Variants in ZCWPW2 observed in about 807,000 individuals in gnomAD.
The protein encoded by ZCWPW2 is zinc finger CW-type PWWP domain protein 2.
A neutral mutation model predicts 46.6 loss-of-function variants in ZCWPW2; 45 were observed. The observed-to-expected ratio is 0.96, with a 90% CI of 0.76 to 1.24. The LOEUF is 1.24. ZCWPW2 is among the 50% of genes most tolerant of loss of function. ZCWPW2 has a pLI of 0.00. For synonymous variants in ZCWPW2, 152 were observed against 137.1 expected (o/e 1.11, Z -0.76); for missense variants, 429 against 403.9 (o/e 1.06, Z -0.53).
intron 6 of ZCWPW2, among the ~76,000 whole-genome samples, chr3:28,494,449 T>A (rs1209488508): frequency 6.8e-6 from 1 of 146,938 alleles, no homozygotes; most frequent in Non-Finnish European, 1.5e-5. Flanking sequence ...TTGTCAAAGA[T>A]CAGATAGTTG....
intron 1 of ZCWPW2, among the ~76,000 whole-genome samples, 192 bp downstream of exon 1, chr3:28,349,395 C>T (rs757511393): frequency 6.6e-6 from 1 of 152,144 alleles, no homozygotes; most frequent in Non-Finnish European, 1.5e-5. Context: ...TGTTAGAAGC[C>T]GTTCCTCTGT....
chr3:28,510,382 G>A (rs527816044), intron 6 of ZCWPW2, among the ~76,000 whole-genome samples: 19 of 152,248 alleles, frequency 1.2e-4, no homozygotes, highest in East Asian at 7.7e-4. Context: ...TAATTCCAAC[G>A]TAGTCCTTAA....
chr3:28,510,986 C>G, intron 6 of ZCWPW2: 2 of 448,650 alleles, frequency 4.5e-6, no homozygotes, highest in Non-Finnish European at 8.9e-6. Flanking sequence ...CACCTGGTAG[C>G]TACATTCTGG....
intron 4 of ZCWPW2, among the ~76,000 whole-genome samples, chr3:28,477,452 A>T (rs904797097): frequency 2.6e-5 from 4 of 152,218 alleles, no homozygotes; most frequent in Non-Finnish European, 5.9e-5. Flanking sequence ...ACTGTGGAGG[A>T]TGCAAAGATA....
intron 1 of ZCWPW2, among the ~76,000 whole-genome samples, chr3:28,365,832 G>A (rs1268800452): frequency 7.1e-6 from 1 of 141,078 alleles, no homozygotes. Context: ...TTGAGCAGTG[G>A]TTTGTAGTTT....
At chr3:28,387,120 T>A (rs1453846208) in intron 1 of ZCWPW2, among the ~76,000 whole-genome samples, 1 of 152,208 alleles carries the variant, frequency 6.6e-6, no homozygotes, top group Non-Finnish European at 1.5e-5. Context: ...GATTACCCTA[T>A]ATGCTGTTAC....
chr3:28,393,220 A>T (rs76896783), intron 2 of ZCWPW2, among the ~76,000 whole-genome samples: 3,115 of 152,230 alleles, frequency 0.02, 104 homozygotes, highest in African/African-American at 0.062. Flanking sequence ...AATTCCTAGA[A>T]TTATGTAACC....
chr3:28,506,239 A>C (rs542407804), intron 6 of ZCWPW2, among the ~76,000 whole-genome samples: 2 of 151,786 alleles, frequency 1.3e-5, no homozygotes, highest in East Asian at 3.9e-4. Context: ...CTAGTGTTAT[A>C]TTTGTGTGGA....
chr3:28,377,434 A>G (rs1201324524), intron 1 of ZCWPW2, among the ~76,000 whole-genome samples: 1 of 152,124 alleles, frequency 6.6e-6, no homozygotes, highest in Non-Finnish European at 1.5e-5. Context: ...GTATAAATCA[A>G]TTTGAATGTC....
At chr3:28,364,970 C>A (rs1386855743) in intron 1 of ZCWPW2, among the ~76,000 whole-genome samples, 3 of 152,050 alleles carry the variant, frequency 2.0e-5, no homozygotes, top group African/African-American at 7.2e-5. Flanking sequence ...TGTTCATATC[C>A]TTTGCCCACT....
At chr3:28,368,800 C>G (rs1705212889) in intron 1 of ZCWPW2, among the ~76,000 whole-genome samples, 1 of 152,182 alleles carries the variant, frequency 6.6e-6, no homozygotes, top group South Asian at 2.1e-4. Flanking sequence ...GTACACCAAT[C>G]AGATGTAGAT....
At chr3:28,411,996 A>T (rs1277073587) in intron 2 of ZCWPW2, among the ~76,000 whole-genome samples, 1 of 152,122 alleles carries the variant, frequency 6.6e-6, no homozygotes, top group Non-Finnish European at 1.5e-5. Context: ...CTATTGAAAT[A>T]TATGGACAAA....
At chr3:28,472,480 C>T (rs1699075734) in intron 4 of ZCWPW2, among the ~76,000 whole-genome samples, 1 of 152,024 alleles carries the variant, frequency 6.6e-6, no homozygotes, top group Non-Finnish European at 1.5e-5. Context: ...AGGAAAAGGA[C>T]AGTCTACAAT....
intron 2 of ZCWPW2, among the ~76,000 whole-genome samples, chr3:28,411,663 C>T (rs1211760097): frequency 6.6e-6 from 1 of 152,084 alleles, no homozygotes; most frequent in Admixed American, 6.6e-5. Flanking sequence ...AGTCTAACCT[C>T]AGTCACTTCT....
intron 6 of ZCWPW2, among the ~76,000 whole-genome samples, chr3:28,507,338 T>G (rs1700304116): frequency 6.6e-6 from 1 of 152,202 alleles, no homozygotes. Context: ...TCACTTGTTG[T>G]TATCTTTTAA....
chr3:28,473,492 A>G (rs953521578), intron 4 of ZCWPW2, among the ~76,000 whole-genome samples: 7 of 152,256 alleles, frequency 4.6e-5, no homozygotes, highest in African/African-American at 1.7e-4. Flanking sequence ...AAACAAAAAA[A>G]TAGAGCTACT....
At chr3:28,373,121 GAGAGTGA>G (rs1705391485) in intron 1 of ZCWPW2, among the ~76,000 whole-genome samples, 1 of 152,130 alleles carries the variant, frequency 6.6e-6, no homozygotes, top group Admixed American at 6.5e-5. Context: ...CAATAAACAG[GAGAGTGA>G]AGCTATCTCT....
At chr3:28,364,048 A>G (rs1369988220) in intron 1 of ZCWPW2, among the ~76,000 whole-genome samples, 1 of 152,238 alleles carries the variant, frequency 6.6e-6, no homozygotes, top group Non-Finnish European at 1.5e-5. Flanking sequence ...ATATTCAGTT[A>G]GTCATCTGTT....
chr3:28,425,401 A>T (rs1696966196), intron 3 of ZCWPW2, among the ~76,000 whole-genome samples: 1 of 152,236 alleles, frequency 6.6e-6, no homozygotes, highest in Non-Finnish European at 1.5e-5. Flanking sequence ...AGAAAAATAT[A>T]AGGATAGCAT....
Sources: allele counts gnomAD v4.1 joint callset (sites outside exome capture counted in the v4.1 genomes callset), GRCh38; gene constraint gnomAD v4.1.1; transcripts MANE v1.5; gene names NCBI Gene and HGNC (gene_info 2026-07-23, HGNC 2026-07-21).